KCTD16: variants seen among roughly 807,000 people sequenced by gnomAD.
KCTD16 encodes the protein potassium channel tetramerization domain containing 16, also known as BTB/POZ domain-containing protein KCTD16.
KCTD16 carries 13 observed loss-of-function variants against 33.2 expected under a neutral mutation model. That is an observed-to-expected ratio of 0.39 (90% CI 0.25 to 0.62). The LOEUF (loss-of-function observed/expected upper bound fraction) is 0.62. KCTD16 is among the 20% of genes least tolerant of loss of function. KCTD16 has a pLI of 0.50. For missense variants in KCTD16, 441 were observed against 525.1 expected (o/e 0.84, Z 1.57); for synonymous variants, 197 against 195.3 (o/e 1.01, Z -0.07).
chr5:144,315,224 C>T (rs556895263), intron 3 of KCTD16, among the ~76,000 whole-genome samples: 9 of 152,276 alleles, frequency 5.9e-5, no homozygotes, highest in African/African-American at 1.7e-4. Context: ...TGCACCTAAG[C>T]ACCTCTCTCA....
intron 3 of KCTD16, among the ~76,000 whole-genome samples, chr5:144,397,231 T>C (rs1752589846): frequency 6.6e-6 from 1 of 152,050 alleles, no homozygotes; most frequent in South Asian, 2.1e-4. Context: ...GCTTCATCCA[T>C]GTCCCTACAA....
chr5:144,184,093 A>G (rs936931453), intron 2 of KCTD16, among the ~76,000 whole-genome samples: 28 of 152,200 alleles, frequency 1.8e-4, no homozygotes, highest in Non-Finnish European at 3.5e-4. Context: ...ATTTTTATTT[A>G]TTATTAACTT....
chr5:144,361,990 A>T (rs1260821093), intron 3 of KCTD16, among the ~76,000 whole-genome samples: 1 of 151,666 alleles, frequency 6.6e-6, no homozygotes, highest in African/African-American at 2.4e-5. Flanking sequence ...GTCACTTAAC[A>T]TTTCTCCAAA....
intron 3 of KCTD16, among the ~76,000 whole-genome samples, chr5:144,274,035 A>G (rs1755377308): frequency 6.6e-6 from 1 of 150,460 alleles, no homozygotes; most frequent in South Asian, 2.1e-4. Context: ...ATTATATTAA[A>G]ATATAATAAA....
At chr5:144,447,066 C>T (rs943873251) in intron 3 of KCTD16, among the ~76,000 whole-genome samples, 1 of 152,060 alleles carries the variant, frequency 6.6e-6, no homozygotes, top group Non-Finnish European at 1.5e-5. Flanking sequence ...AGTATATACC[C>T]AAAGGATTAG....
At chr5:144,357,997 C>T (rs1751610343) in intron 3 of KCTD16, among the ~76,000 whole-genome samples, 1 of 151,952 alleles carries the variant, frequency 6.6e-6, no homozygotes, top group African/African-American at 2.4e-5. Context: ...AATCATAGTT[C>T]ACTGCAGCCT....
At chr5:144,339,179 A>G (rs1418341949) in intron 3 of KCTD16, among the ~76,000 whole-genome samples, 1 of 152,176 alleles carries the variant, frequency 6.6e-6, no homozygotes, top group Non-Finnish European at 1.5e-5. Context: ...GCATTACCTC[A>G]TTCAATCTTC....
intron 3 of KCTD16, among the ~76,000 whole-genome samples, chr5:144,370,892 A>G (rs1751951953): frequency 6.6e-6 from 1 of 152,106 alleles, no homozygotes; most frequent in Non-Finnish European, 1.5e-5. Context: ...CACAGTCCTA[A>G]TATTAGGTTG....
At chr5:144,292,940 A>G (rs377556739) in intron 3 of KCTD16, among the ~76,000 whole-genome samples, 1 of 152,210 alleles carries the variant, frequency 6.6e-6, no homozygotes, top group Non-Finnish European at 1.5e-5. Context: ...CCAAGGACGC[A>G]TGTTGACCTC....
intron 3 of KCTD16, among the ~76,000 whole-genome samples, chr5:144,242,454 G>A (rs1365281872): frequency 4.0e-5 from 6 of 151,812 alleles, no homozygotes; most frequent in Non-Finnish European, 8.8e-5. Flanking sequence ...TGTTATTGTT[G>A]TCACATATTT....
At chr5:144,255,198 C>T (rs907064801) in intron 3 of KCTD16, among the ~76,000 whole-genome samples, 3 of 152,108 alleles carry the variant, frequency 2.0e-5, no homozygotes, top group Non-Finnish European at 4.4e-5. Context: ...GTGTATACTA[C>T]ATTTTCTTTA....
chr5:144,224,932 A>G lies in KCTD16; in HGVS notation c.832+17386A>G, dbSNP rs73794906. Among the ~76,000 whole-genome samples the G allele has an allele frequency of 1.8e-3, 270 of 152,310 alleles. 1 individual carries two copies. Among genetic ancestry groups the G allele is most frequent in the African/African-American group, 6.0e-3 (248 of 41,562 alleles). On this transcript the variant is annotated intron_variant, in intron 3 of 3. Coordinates refer to ENST00000512467, the MANE Select transcript of KCTD16 (RefSeq NM_020768.4). ...AGGGACTGCTTCAGAATTTCCGTAT[A>G]GTAGAACCTAGTAGTATCCATCTGG...
At position 144,244,687 on chromosome 5, in the gene KCTD16, T is replaced by C. The variant is rs141123144; in HGVS notation, c.832+37141T>C. On this transcript the variant is annotated intron_variant, in intron 3 of 3. Coordinates refer to ENST00000512467, the MANE Select transcript of KCTD16 (RefSeq NM_020768.4). ...AGAGATCTCTATTTTTAGATATCTT[T>C]CCCAATGTACCTTCAAAGTAGACCC... 3.5e-3 allele frequency among the ~76,000 whole-genome samples: 529 copies of C among 152,328 alleles called. 4 individuals carry two copies. Among genetic ancestry groups the C allele is most frequent in the African/African-American group, 0.012 (505 of 41,588 alleles).
intron 3 of KCTD16, among the ~76,000 whole-genome samples, chr5:144,261,819 G>A (rs1451331052): frequency 1.3e-5 from 2 of 152,168 alleles, no homozygotes; most frequent in Non-Finnish European, 2.9e-5. Flanking sequence ...CACAACCCAT[G>A]TACCTGAAGC....
intron 3 of KCTD16, among the ~76,000 whole-genome samples, chr5:144,449,787 G>T (rs1406797619): frequency 1.3e-5 from 2 of 151,826 alleles, no homozygotes; most frequent in African/African-American, 4.8e-5. Flanking sequence ...TTACACCATA[G>T]ACAAAAAATC....
At chr5:144,200,073 C>T (rs1052662696) in intron 2 of KCTD16, among the ~76,000 whole-genome samples, 2 of 152,094 alleles carry the variant, frequency 1.3e-5, no homozygotes, top group South Asian at 2.1e-4. Flanking sequence ...ACATGCACAC[C>T]GCAAAAATTT....
rs1298128548 is a variant in KCTD16, at chr5:144,297,683, C to G, written c.832+90137C>G. Among the ~76,000 whole-genome samples the G allele has an allele frequency of 2.0e-5, 3 of 152,250 alleles. No homozygotes were observed. The East Asian group carries it at 5.8e-4, about 29-fold the overall frequency. On this transcript the variant is annotated intron_variant, in intron 3 of 3. Transcript: ENST00000512467. ...TCAACATGGGGCTTGCAACTTAGCT[C>G]ACATCCGACCAATCAGGTAGTAAAG... is the stretch of plus-strand genomic sequence containing the variant.
At chr5:144,357,823 G>A (rs1751606739) in intron 3 of KCTD16, among the ~76,000 whole-genome samples, 2 of 152,080 alleles carry the variant, frequency 1.3e-5, no homozygotes, top group African/African-American at 4.8e-5. Flanking sequence ...TTTCTAGGAA[G>A]GTCTTTTGAG....
intron 2 of KCTD16, among the ~76,000 whole-genome samples, chr5:144,176,009 G>A (rs1430641959): frequency 2.0e-5 from 3 of 152,088 alleles, no homozygotes; most frequent in Non-Finnish European, 4.4e-5. Context: ...TTGATATGGT[G>A]GAGTGTATTA....
Sources: allele counts gnomAD v4.1 joint callset (sites outside exome capture counted in the v4.1 genomes callset), GRCh38; gene constraint gnomAD v4.1.1; transcripts MANE v1.5; gene names NCBI Gene and HGNC (gene_info 2026-07-23, HGNC 2026-07-21).